Variants in DDX10 observed in about 807,000 individuals in gnomAD.
DDX10 encodes the protein probable ATP-dependent RNA helicase DDX10.
A neutral mutation model predicts 104.3 loss-of-function variants in DDX10; 74 were observed. The observed-to-expected ratio is 0.71, with a 90% confidence interval of 0.59 to 0.86. The LOEUF (loss-of-function observed/expected upper bound fraction) is 0.86. DDX10 is among the 40% of genes least tolerant of loss of function. The pLI, the probability that DDX10 is intolerant of heterozygous loss-of-function variation, is 0.00. For missense variants in DDX10, 952 were observed against 1,040.0 expected, an observed-to-expected ratio of 0.92 and a Z score of 1.16; for synonymous variants, 351 against 353.4, an observed-to-expected ratio of 0.99 and a Z score of 0.08.
chr11:108,842,472 G>A (rs983722273), intron 15 of DDX10, among the ~76,000 whole-genome samples: 2 of 152,152 alleles, frequency 1.3e-5, no homozygotes, highest in Non-Finnish European at 2.9e-5. Flanking sequence ...TCATGGACCA[G>A]TACACACTTT....
rs1343426498 is a variant in DDX10 at position 108,665,102 on chromosome 11, C to A, written c.-52C>A. The A allele has an allele frequency of 6.5e-7, 1 of 1,549,928 alleles. No homozygotes were observed. Among genetic ancestry groups the A allele is most frequent in the African/African-American group, 1.4e-5 (1 of 72,010 alleles). On this transcript the variant is annotated 5_prime_UTR_variant, in exon 1 of 18. Transcript: ENST00000322536. ...CCCATGCTGGTTCCGTGAGTCTGGCCTTAGGTGTCTCGTGTCTGGGGTTGA... is the reference window on the plus strand; with the variant it reads ...CCCATGCTGGTTCCGTGAGTCTGGCATTAGGTGTCTCGTGTCTGGGGTTGA...
chr11:108,793,875 A>C (rs1861904118), intron 13 of DDX10, among the ~76,000 whole-genome samples: 1 of 91,554 alleles, frequency 1.1e-5, no homozygotes, highest in Non-Finnish European at 2.1e-5. Flanking sequence ...TTTTACCTCC[A>C]TGAGATAAAT....
intron 13 of DDX10, among the ~76,000 whole-genome samples, chr11:108,762,041 GCTT>G (rs1244101588): frequency 1.3e-5 from 2 of 152,082 alleles, no homozygotes; most frequent in Non-Finnish European, 2.9e-5. Context: ...TGCTATTTAA[GCTT>G]CTAAACTTTT....
chr11:108,800,121 C>T lies in DDX10; in HGVS notation c.1966-38325C>T, dbSNP rs185174887. Among the ~76,000 whole-genome samples, 713 of 151,776 alleles carry T rather than the reference C, an allele frequency of 4.7e-3. 6 individuals carry two copies. Among genetic ancestry groups the T allele is most frequent in the African/African-American group, 0.016 (655 of 41,362 alleles). On this transcript the variant is annotated intron_variant, in intron 13 of 17. Coordinates refer to ENST00000322536, the MANE Select transcript of DDX10 (RefSeq NM_004398.4). The stretch of plus-strand genomic sequence containing the variant: ...CTCCCAGCTTCAATTCCTTTCCTTA[C>T]TTATTTTTACATTTATGTTCTTCCT...
intron 13 of DDX10, among the ~76,000 whole-genome samples, chr11:108,770,026 A>C (rs1405809049): frequency 6.6e-6 from 1 of 152,256 alleles, no homozygotes; most frequent in African/African-American, 2.4e-5. Flanking sequence ...GCAGGATTCT[A>C]ATAAAAGCTT....
chr11:108,768,076 G>A (rs921213151), intron 13 of DDX10: 7 of 152,168 alleles, frequency 4.6e-5, no homozygotes, highest in Non-Finnish European at 8.8e-5. Flanking sequence ...TTGTAAGACT[G>A]TGATATATAA....
chr11:108,713,449 C>T (rs556625106), intron 10 of DDX10, among the ~76,000 whole-genome samples: 10 of 152,090 alleles, frequency 6.6e-5, no homozygotes, highest in Non-Finnish European at 1.3e-4. Context: ...GTAATGAACC[C>T]ATCAAAGGTA....
At chr11:108,934,283 A>G (rs892893066) in intron 17 of DDX10, among the ~76,000 whole-genome samples, 3 of 152,196 alleles carry the variant, frequency 2.0e-5, no homozygotes, top group Admixed American at 6.5e-5. Flanking sequence ...GTGGGGGAAT[A>G]GTCCTTTTCA....
At chr11:108,708,571 ATT>A (rs202129373) in intron 10 of DDX10, among the ~76,000 whole-genome samples, 1 of 143,350 alleles carries the variant, frequency 7.0e-6, no homozygotes. Flanking sequence ...TGTTCATAGT[ATT>A]TTTTTTTTTT....
At position 108,883,561 on chromosome 11, in the gene DDX10, A is replaced by G. The variant is rs575860030; in HGVS notation, c.2304+31352A>G. Among the ~76,000 whole-genome samples the G allele has an allele frequency of 4.6e-5, 7 of 152,034 alleles. No individual in the cohort carries two copies. The South Asian group carries it at 1.5e-3, about 32-fold the overall frequency. On this transcript the variant is annotated intron_variant, in intron 16 of 17. Coordinates refer to ENST00000322536, the MANE Select transcript of DDX10 (RefSeq NM_004398.4). ...CATGTTATCTCTCTAATAAGGGGGGAAGTCTCTTTCTAGAGTCTGCATTCA... is the reference window on the plus strand; with the variant it reads ...CATGTTATCTCTCTAATAAGGGGGGGAGTCTCTTTCTAGAGTCTGCATTCA...
In DDX10 at chr11:108,838,513, TGAA is replaced by T. The variant is rs1862592086; in HGVS notation, c.2036_2038del (p.Lys679del). ...AAAGTTGCAGAAGCAAAAAAAGTAATGAAGAGAAATTTTAAAGTGAATAAGAAG... is the reference window on the plus strand; with the variant it reads ...AAAGTTGCAGAAGCAAAAAAAGTAATGAGAAATTTTAAAGTGAATAAGAAG... On this transcript the variant is annotated inframe_deletion, in exon 14 of 18. Coordinates refer to ENST00000322536, the MANE Select transcript of DDX10 (RefSeq NM_004398.4). The T allele has an allele frequency of 6.2e-7, 1 of 1,612,690 alleles. No homozygotes were observed.
intron 17 of DDX10, among the ~76,000 whole-genome samples, chr11:108,937,960 G>A (rs1267946605): frequency 2.6e-5 from 4 of 152,176 alleles, no homozygotes; most frequent in Non-Finnish European, 5.9e-5. Flanking sequence ...TCCCACAGAA[G>A]TGCTGACACG....
At chr11:108,791,101 T>C (rs1565279435) in intron 13 of DDX10, among the ~76,000 whole-genome samples, 1 of 152,246 alleles carries the variant, frequency 6.6e-6, no homozygotes, top group Non-Finnish European at 1.5e-5. Flanking sequence ...GAGATACTAG[T>C]GTGACTTCCT....
In DDX10 at chr11:108,791,192, G is replaced by A. The variant is rs570879976; in HGVS notation, c.1966-47254G>A. Among the ~76,000 whole-genome samples, 5 of 152,294 alleles carry A rather than the reference G, an allele frequency of 3.3e-5. No individual in the cohort carries two copies. The South Asian group carries it at 1.0e-3, about 32-fold the overall frequency. On this transcript the variant is annotated intron_variant, in intron 13 of 17. Coordinates refer to ENST00000322536, the MANE Select transcript of DDX10 (RefSeq NM_004398.4). ...TTCGGGGCCACAGCTACCATGCTGT[G>A]GGAAAAAGCCCACCAATACCTTAGC...
At chr11:108,835,671 TTTTAAGTAC>T (rs2134590894) in intron 13 of DDX10, among the ~76,000 whole-genome samples, 1 of 152,224 alleles carries the variant, frequency 6.6e-6, no homozygotes, top group South Asian at 2.1e-4. Flanking sequence ...GTTTTCTGGG[TTTTAAGTAC>T]TTCTTTTGAG....
chr11:108,835,652 C>T (rs115447827), intron 13 of DDX10, among the ~76,000 whole-genome samples: 1,556 of 152,286 alleles, frequency 0.01, 21 homozygotes, highest in African/African-American at 0.035. Flanking sequence ...CTCAAGGGCC[C>T]GTTACAAAGT....
chr11:108,849,827 T>TA (rs1365762024), intron 15 of DDX10, among the ~76,000 whole-genome samples: 3 of 152,138 alleles, frequency 2.0e-5, no homozygotes, highest in African/African-American at 7.2e-5. Flanking sequence ...AAGATTCACT[T>TA]ATACTTTTCT....
chr11:108,829,099 T>TCTTTTCCC (rs1862436241), intron 13 of DDX10, among the ~76,000 whole-genome samples: 1 of 152,254 alleles, frequency 6.6e-6, no homozygotes, highest in African/African-American at 2.4e-5. Context: ...TTCCTCTGGG[T>TCTTTTCCC]AGATACCTAA....
At chr11:108,900,963 A>G (rs1362584418) in intron 16 of DDX10, among the ~76,000 whole-genome samples, 1 of 152,170 alleles carries the variant, frequency 6.6e-6, no homozygotes, top group Non-Finnish European at 1.5e-5. Flanking sequence ...TCACCTCTAC[A>G]TGTTCCATTC....
Sources: gnomAD v4.1 joint callset for allele counts (sites outside exome capture counted in the v4.1 genomes callset) on GRCh38, gnomAD v4.1.1 for gene constraint, MANE v1.5 for transcripts, NCBI Gene and HGNC (gene_info 2026-07-23, HGNC 2026-07-21) for gene names.